The following TMCO4 variants were observed in gnomAD, a reference collection of about 807,000 sequenced individuals.
TMCO4 encodes transmembrane and coiled-coil domain-containing protein 4.
In TMCO4, 58 loss-of-function variants were observed where a neutral mutation model predicts 64.7. That is an observed-to-expected ratio of 0.90 (90% CI 0.73 to 1.12). The LOEUF (loss-of-function observed/expected upper bound fraction) is 1.12. TMCO4 is among the 50% of genes most tolerant of loss of function. TMCO4 has a pLI of 0.00. For missense variants in TMCO4, 780 were observed against 825.9 expected, an observed-to-expected ratio of 0.94 and a Z score of 0.68; for synonymous variants, 325 against 346.1, an observed-to-expected ratio of 0.94 and a Z score of 0.68.
chr1:19,763,830 T>C (rs935461328), intron 6 of TMCO4, among the ~76,000 whole-genome samples: 3 of 152,248 alleles, frequency 2.0e-5, no homozygotes, highest in Non-Finnish European at 4.4e-5. Context: ...TGTCCATTGC[T>C]GAGCACTGGG....
At chr1:19,728,556 G>A (rs1010615909) in intron 13 of TMCO4, among the ~76,000 whole-genome samples, 3 of 152,212 alleles carry the variant, frequency 2.0e-5, no homozygotes, top group Non-Finnish European at 4.4e-5. Flanking sequence ...GCCAATTGCT[G>A]TCAAGGAGCC....
chr1:19,755,719 G>A lies in TMCO4; in HGVS notation c.430C>T (p.Leu144=). 6.2e-7 allele frequency: 1 copy of A among 1,614,134 alleles called. No homozygotes were observed. The highest frequency in any genetic ancestry group is 1.1e-5 in the South Asian group (1 of 91,064). ...ARVLVCHMTS[L]LQVPLEELDV... is the part of the protein sequence containing the mutation. ...AGCTCCTCCAAGGGCACTTGGAGCA[G>A]GGAGGTCATGTGGCAAACGAGGACT... is the stretch of plus-strand genomic sequence containing the variant. The change falls in exon 7 of 16, where the codon CTG becomes TTG. Residue 144 remains leucine (L), a synonymous_variant. Coordinates refer to ENST00000294543, the MANE Select transcript of TMCO4 (RefSeq NM_181719.7).
chr1:19,727,716 C>A (rs2095414471), intron 13 of TMCO4, among the ~76,000 whole-genome samples: 1 of 152,156 alleles, frequency 6.6e-6, no homozygotes, highest in South Asian at 2.1e-4. Flanking sequence ...AGGGTATATA[C>A]CCAAAGGAAG....
intron 14 of TMCO4, among the ~76,000 whole-genome samples, chr1:19,698,164 A>G (rs1399319991): frequency 6.6e-6 from 1 of 152,126 alleles, no homozygotes; most frequent in Non-Finnish European, 1.5e-5. Flanking sequence ...GAAGGCAGAC[A>G]TGGCTCACTC....
intron 13 of TMCO4, among the ~76,000 whole-genome samples, chr1:19,724,385 G>A (rs1012614423): frequency 1.3e-5 from 2 of 152,202 alleles, no homozygotes; most frequent in African/African-American, 4.8e-5. Context: ...GTAAATTGCT[G>A]CAGCTCTTTG....
intron 4 of TMCO4, 72 bp from the exon 5 acceptor site, chr1:19,771,554 T>C: frequency 6.7e-7 from 1 of 1,499,634 alleles, no homozygotes; most frequent in Non-Finnish European, 9.0e-7. Flanking sequence ...GTAGATTAGT[T>C]GTGGTCACGG....
At chr1:19,775,567 A>C (rs2043171046) in intron 4 of TMCO4, among the ~76,000 whole-genome samples, 2 of 152,230 alleles carry the variant, frequency 1.3e-5, no homozygotes, top group Non-Finnish European at 2.9e-5. Context: ...AAACACAGCC[A>C]CATGCATTAT....
At chr1:19,735,335 G>A (rs1202300328) in intron 13 of TMCO4, among the ~76,000 whole-genome samples, 2 of 152,198 alleles carry the variant, frequency 1.3e-5, no homozygotes, top group Non-Finnish European at 1.5e-5. Flanking sequence ...GGCCCAGAGA[G>A]GTTAAGTGAC....
intron 7 of TMCO4, among the ~76,000 whole-genome samples, chr1:19,753,490 G>A (rs2042109030): frequency 6.6e-6 from 1 of 152,190 alleles, no homozygotes; most frequent in Non-Finnish European, 1.5e-5. Flanking sequence ...GGCTCAGACA[G>A]GGACCCAGGA....
Position 19,771,479 on chromosome 1 carries a change from G to A in TMCO4, c.183C>T (p.Ser61=). The change falls in exon 5 of 16, where the codon TCC becomes TCT. Residue 61 remains serine, a synonymous_variant. Coordinates refer to ENST00000294543, the MANE Select transcript of TMCO4 (RefSeq NM_181719.7). ...GGCCTGCCATGAACTCTGTGCAGAA[G>A]GAGCTGAAAGGCAGACATGGCTTAG... The part of the protein sequence containing the change: ...SQLFPEPEHS[S]FCTEFMAGLV... The A allele has an allele frequency of 6.2e-7, 1 of 1,613,628 alleles. No homozygotes were observed. Among genetic ancestry groups the A allele is most frequent in the Non-Finnish European group, 8.5e-7 (1 of 1,179,878 alleles).
intron 14 of TMCO4, among the ~76,000 whole-genome samples, chr1:19,696,542 C>T (rs1361367965): frequency 6.7e-5 from 10 of 149,808 alleles, no homozygotes; most frequent in South Asian, 2.1e-4. Context: ...CAGAGTGAGA[C>T]CTTGTCTCAA....
At chr1:19,774,245 T>C (rs994546660) in intron 4 of TMCO4, among the ~76,000 whole-genome samples, 3 of 152,218 alleles carry the variant, frequency 2.0e-5, no homozygotes, top group Admixed American at 1.3e-4. Flanking sequence ...GACTACAGCA[T>C]GGCCTGGTCC....
intron 6 of TMCO4, 44 bp downstream of exon 6, chr1:19,770,498 C>A (rs1246741285): frequency 6.2e-7 from 1 of 1,611,928 alleles, no homozygotes; most frequent in Admixed American, 1.7e-5. Flanking sequence ...GCCAAGGGTG[C>A]AGATGGGTAC....
intron 13 of TMCO4, among the ~76,000 whole-genome samples, chr1:19,736,076 T>C (rs1195266035): frequency 6.6e-6 from 1 of 152,128 alleles, no homozygotes; most frequent in Non-Finnish European, 1.5e-5. Flanking sequence ...AGGCAAATGG[T>C]CTTGCCAACT....
At chr1:19,764,311 A>G (rs1412656749) in intron 6 of TMCO4, among the ~76,000 whole-genome samples, 1 of 152,352 alleles carries the variant, frequency 6.6e-6, no homozygotes, top group African/African-American at 2.4e-5. Context: ...TCTGCGCTGC[A>G]GTTTCCTCTG....
intron 14 of TMCO4, among the ~76,000 whole-genome samples, chr1:19,696,991 C>T (rs563732931): frequency 2.0e-5 from 3 of 152,308 alleles, no homozygotes; most frequent in Admixed American, 2.0e-4. Context: ...GGACAGGTTG[C>T]TTGACCTTTC....
At chr1:19,740,998 C>G in intron 10 of TMCO4, 57 bp from the exon 11 acceptor site, 1 of 1,503,746 alleles carries the variant, frequency 6.7e-7, no homozygotes, top group Non-Finnish European at 8.9e-7. Flanking sequence ...GATGCCCCAC[C>G]CCAGTACCCC....
At chr1:19,684,883 A>G (rs1294815742) in intron 15 of TMCO4, among the ~76,000 whole-genome samples, 2 of 152,186 alleles carry the variant, frequency 1.3e-5, no homozygotes, top group Non-Finnish European at 2.9e-5. Flanking sequence ...GAGCTTGAGC[A>G]GCCATCTTGG....
At chr1:19,684,536 G>A (rs1190149581) in intron 15 of TMCO4, among the ~76,000 whole-genome samples, 5 of 152,148 alleles carry the variant, frequency 3.3e-5, no homozygotes, top group African/African-American at 1.2e-4. Context: ...TTCCTCCGCT[G>A]TAAAAAGGGG....
Sources: gnomAD v4.1 joint callset for allele counts (sites outside exome capture counted in the v4.1 genomes callset) on GRCh38, gnomAD v4.1.1 for gene constraint, MANE v1.5 for transcripts, NCBI Gene and HGNC (gene_info 2026-07-23, HGNC 2026-07-21) for gene names.